Variants in DNAH9 observed in about 807,000 individuals in gnomAD.
The protein encoded by DNAH9 is dynein axonemal heavy chain 9, also known as DNAH9 variant protein.
A neutral mutation model predicts 471.6 loss-of-function variants in DNAH9; 345 were observed. The ratio of observed to expected loss-of-function variants is 0.73; its 90% CI spans 0.67 to 0.80. DNAH9 has a LOEUF of 0.80. Among genes scored for constraint, DNAH9 ranks in the 30% least tolerant of loss-of-function variants. DNAH9 has a pLI of 0.00. For missense variants in DNAH9, 5,407 were observed against 5,609.2 expected (o/e 0.96, Z 1.15); for synonymous variants, 2,093 against 2,123.6 (o/e 0.99, Z 0.40).
chr17:11,932,249 G>T lies in DNAH9; in HGVS notation c.12297+44G>T, dbSNP rs1312020343. ...CAGGGACCAGCCAGGTTGGGAGAGG[G>T]TTAAAATTATTTAATTTTGAGGGGT... is the stretch of plus-strand genomic sequence containing the variant. On this transcript the variant is annotated intron_variant, in intron 64 of 68. Transcript: ENST00000262442. This position sits in a 1 kb window ranked among gnomAD's most constrained non-coding sequence, Gnocchi z 4.3. The T allele has an allele frequency of 6.3e-7, 1 of 1,586,598 alleles. No individual in the cohort carries two copies. The highest frequency in any genetic ancestry group is 8.6e-7 in the Non-Finnish European group (1 of 1,163,674).
At chr17:11,745,572 A>G (rs1188901636) in intron 31 of DNAH9, among the ~76,000 whole-genome samples, 1 of 152,238 alleles carries the variant, frequency 6.6e-6, no homozygotes, top group Non-Finnish European at 1.5e-5. Context: ...AACACGCAAG[A>G]TAAAGACAGA....
chr17:11,629,172 T>A (rs1443339641), intron 6 of DNAH9, among the ~76,000 whole-genome samples: 1 of 151,990 alleles, frequency 6.6e-6, no homozygotes, highest in Non-Finnish European at 1.5e-5. Flanking sequence ...TATGTATACA[T>A]GTGCCATGTT....
chr17:11,894,310 C>T (rs2151006242), intron 58 of DNAH9, 64 bp from the exon 59 acceptor site: 1 of 1,593,338 alleles, frequency 6.3e-7, no homozygotes, highest in Non-Finnish European at 8.6e-7. Flanking sequence ...AGTGACAACC[C>T]CTAAGATTTC....
At position 11,791,655 on chromosome 17, in the gene DNAH9, G is replaced by A. The variant is rs753131513; in HGVS notation, c.8062-1848G>A. Among the ~76,000 whole-genome samples the A allele has an allele frequency of 3.9e-5, 6 of 152,116 alleles. No individual in the cohort carries two copies. In the South Asian group the frequency reaches 8.3e-4, roughly 21 times the overall value. On this transcript the variant is annotated intron_variant, in intron 41 of 68. Coordinates refer to ENST00000262442, the MANE Select transcript of DNAH9 (RefSeq NM_001372.4). The stretch of plus-strand genomic sequence containing the variant: ...GAACCCGGGAGGTGGAGGCTGCCGC[G>A]AGCCGAGATTGCACCACTGCACTCC...
At chr17:11,945,537 CAAA>C (rs34040154) in intron 67 of DNAH9, among the ~76,000 whole-genome samples, 1 of 102,362 alleles carries the variant, frequency 9.8e-6, no homozygotes, top group Non-Finnish European at 2.0e-5. Flanking sequence ...GATTCCATCT[CAAA>C]AAAAAAAAAA....
At chr17:11,676,331 G>T (rs984050364) in intron 17 of DNAH9, among the ~76,000 whole-genome samples, 1 of 123,740 alleles carries the variant, frequency 8.1e-6, no homozygotes, top group Non-Finnish European at 1.6e-5. Flanking sequence ...TGCCCAGGCC[G>T]CAGTGCAATG....
chr17:11,754,227 T>C (rs1011464878), intron 33 of DNAH9, among the ~76,000 whole-genome samples: 11 of 152,170 alleles, frequency 7.2e-5, no homozygotes, highest in Non-Finnish European at 1.0e-4. Context: ...CAGTCTGTCA[T>C]TGATGGGCAT....
Position 11,812,997 on chromosome 17 carries a change from A to G in DNAH9, c.8707+2628A>G, listed in dbSNP as rs577302623. Among the ~76,000 whole-genome samples, 16 of 152,370 alleles carry G rather than the reference A, an allele frequency of 1.1e-4. No individual in the cohort carries two copies. The East Asian group carries it at 3.1e-3, about 29-fold the overall frequency. Reference sequence around the variant, plus strand: ...TGCCAGCCTCACACCATTGTATTTCAATTGGCTCTAATCCAGCCAGGTCAC... The same window carrying G: ...TGCCAGCCTCACACCATTGTATTTCGATTGGCTCTAATCCAGCCAGGTCAC... On this transcript the variant is annotated intron_variant, in intron 45 of 68. Coordinates refer to ENST00000262442, the MANE Select transcript of DNAH9 (RefSeq NM_001372.4).
At chr17:11,940,797 C>T (rs1288246411) in intron 66 of DNAH9, among the ~76,000 whole-genome samples, 1 of 152,176 alleles carries the variant, frequency 6.6e-6, no homozygotes, top group African/African-American at 2.4e-5. Context: ...GAAAAAGACA[C>T]TCTTGGAAGT....
intron 17 of DNAH9, among the ~76,000 whole-genome samples, chr17:11,674,790 A>G (rs2074025144): frequency 6.6e-6 from 1 of 152,100 alleles, no homozygotes; most frequent in South Asian, 2.1e-4. Flanking sequence ...ACCCTCCTGT[A>G]TTCTCTTCTA....
intron 19 of DNAH9, among the ~76,000 whole-genome samples, chr17:11,688,237 G>A (rs897327206): frequency 3.9e-5 from 6 of 152,054 alleles, no homozygotes; most frequent in African/African-American, 1.4e-4. Context: ...GCAGTTTCAG[G>A]TGCTTGCATG....
intron 49 of DNAH9, among the ~76,000 whole-genome samples, chr17:11,845,049 C>G (rs925113886): frequency 6.6e-6 from 1 of 150,872 alleles, no homozygotes; most frequent in African/African-American, 2.4e-5. Flanking sequence ...TACATGTGCA[C>G]AATGTGCAGG....
At chr17:11,704,978 A>T in intron 25 of DNAH9, 47 bp from the exon 26 acceptor site, 1 of 1,550,900 alleles carries the variant, frequency 6.4e-7, no homozygotes, top group Non-Finnish European at 8.9e-7. Context: ...CCAAGGGACT[A>T]CCTGCTGCCT....
chr17:11,783,922 C>T (rs1035966662), intron 40 of DNAH9, among the ~76,000 whole-genome samples, 174 bp downstream of exon 40: 2 of 152,140 alleles, frequency 1.3e-5, no homozygotes, highest in African/African-American at 4.8e-5. Context: ...GACTTAGAGT[C>T]TCAAGATTGG....
At chr17:11,851,395 G>A (rs1391273139) in intron 49 of DNAH9, among the ~76,000 whole-genome samples, 1 of 152,110 alleles carries the variant, frequency 6.6e-6, no homozygotes, top group African/African-American at 2.4e-5. Context: ...GGGATTACAG[G>A]CGTGAGCCAC....
chr17:11,852,824 A>G (rs867316414), intron 49 of DNAH9, among the ~76,000 whole-genome samples: 5,067 of 100,476 alleles, frequency 0.05, 323 homozygotes, highest in African/African-American at 0.1. Flanking sequence ...GTATATATAT[A>G]TATATATATA....
At chr17:11,654,436 C>CCTAT (rs1302603135) in intron 14 of DNAH9, among the ~76,000 whole-genome samples, 1 of 151,042 alleles carries the variant, frequency 6.6e-6, no homozygotes, top group Non-Finnish European at 1.5e-5. Flanking sequence ...TGATGTATCA[C>CCTAT]CTATCTATGT....
chr17:11,899,762 G>A lies in DNAH9; in HGVS notation c.11407-2957G>A, dbSNP rs145369207. ...GAAAGAAGATGAAAGTCAGCTCCTC[G>A]GCACAGAGAGAAATAATTACAGCAG... On this transcript the variant is annotated intron_variant, in intron 59 of 68. Transcript: ENST00000262442. 4.9e-4 allele frequency among the ~76,000 whole-genome samples: 75 copies of A among 152,200 alleles called. No individual in the cohort carries two copies. In the East Asian group the frequency reaches 8.3e-3, roughly 17 times the overall value.
chr17:11,926,975 T>C (rs1415613529), intron 62 of DNAH9, among the ~76,000 whole-genome samples: 9 of 152,354 alleles, frequency 5.9e-5, no homozygotes, highest in Middle Eastern at 3.4e-3. Context: ...TGGTATCTCA[T>C]TGTGGTTCTG....
Sources: gnomAD v4.1 joint callset for allele counts (sites outside exome capture counted in the v4.1 genomes callset) on GRCh38, gnomAD v4.1.1 for gene constraint, Gnocchi (gnomAD v3.1) non-coding constraint, MANE v1.5 for transcripts, NCBI Gene and HGNC (gene_info 2026-07-23, HGNC 2026-07-21) for gene names.